The following WDR70 variants were observed in gnomAD, a reference collection of about 807,000 sequenced individuals.
The protein encoded by WDR70 is WD repeat-containing protein 70.
Under a neutral mutation model 88.6 loss-of-function variants are expected in WDR70, and 53 were observed. The ratio of observed to expected loss-of-function variants is 0.60; its 90% CI spans 0.48 to 0.75. The LOEUF (loss-of-function observed/expected upper bound fraction) is 0.75. WDR70 is among the 30% of genes least tolerant of loss of function. The pLI is 0.00. For synonymous variants in WDR70, 280 were observed against 270.0 expected (o/e 1.04, Z -0.36); for missense variants, 610 against 823.2 (o/e 0.74, Z 3.17).
At chr5:37,668,848 A>G (rs1561059932) in intron 10 of WDR70, among the ~76,000 whole-genome samples, 1 of 152,242 alleles carries the variant, frequency 6.6e-6, no homozygotes, top group Non-Finnish European at 1.5e-5. Flanking sequence ...CTCTTTGCCA[A>G]ACACAGATAA....
At chr5:37,477,127 C>A (rs1229318530) in intron 7 of WDR70, among the ~76,000 whole-genome samples, 1 of 152,142 alleles carries the variant, frequency 6.6e-6, no homozygotes, top group African/African-American at 2.4e-5. Context: ...ATAACTTATT[C>A]ATTCATTTAC....
chr5:37,737,807 CTCTT>C (rs1243565730), intron 17 of WDR70, among the ~76,000 whole-genome samples: 2 of 152,036 alleles, frequency 1.3e-5, no homozygotes, highest in Non-Finnish European at 2.9e-5. Flanking sequence ...CTTTTCCTGT[CTCTT>C]TCTTTGTTTC....
At chr5:37,439,583 T>C (rs559567122) in intron 6 of WDR70, among the ~76,000 whole-genome samples, 13 of 151,646 alleles carry the variant, frequency 8.6e-5, no homozygotes, top group African/African-American at 2.9e-4. Context: ...TTTTACACAT[T>C]GAAAATCAAT....
At chr5:37,466,813 A>G (rs1739165422) in intron 7 of WDR70, among the ~76,000 whole-genome samples, 1 of 152,052 alleles carries the variant, frequency 6.6e-6, no homozygotes, top group African/African-American at 2.4e-5. Flanking sequence ...CATAATGGAT[A>G]GCACAGATAT....
intron 7 of WDR70, among the ~76,000 whole-genome samples, chr5:37,465,024 T>G (rs10941336): frequency 0.42 from 63,338 of 152,082 alleles, 15,339 homozygotes; most frequent in Non-Finnish European, 0.54. Context: ...AACTGGCACA[T>G]TTGGTCAAAC....
At chr5:37,546,124 C>T (rs886281604) in intron 9 of WDR70, among the ~76,000 whole-genome samples, 3 of 151,984 alleles carry the variant, frequency 2.0e-5, no homozygotes, top group Admixed American at 1.3e-4. Context: ...ATTTTATGTA[C>T]GTGTTTGCTC....
chr5:37,690,648 C>T (rs568706590), intron 10 of WDR70, among the ~76,000 whole-genome samples: 4 of 152,300 alleles, frequency 2.6e-5, no homozygotes, highest in African/African-American at 9.6e-5. Context: ...CCTTTACAGA[C>T]AAGCAAATGC....
At chr5:37,597,613 A>G (rs1743742245) in intron 9 of WDR70, among the ~76,000 whole-genome samples, 1 of 152,154 alleles carries the variant, frequency 6.6e-6, no homozygotes, top group Non-Finnish European at 1.5e-5. Flanking sequence ...TGGGTTTTTA[A>G]AAAGAGTCCG....
chr5:37,493,022 AG>A (rs1386156106), intron 8 of WDR70, among the ~76,000 whole-genome samples: 1 of 152,254 alleles, frequency 6.6e-6, no homozygotes, highest in East Asian at 1.9e-4. Context: ...GAAACTTAAG[AG>A]TATTGCTCCT....
At chr5:37,737,489 T>A (rs966593918) in intron 17 of WDR70, among the ~76,000 whole-genome samples, 9 of 152,188 alleles carry the variant, frequency 5.9e-5, no homozygotes, top group Admixed American at 3.3e-4. Flanking sequence ...AACACTGGAC[T>A]AAGAATCAGA....
chr5:37,587,638 G>A (rs1009315562), intron 9 of WDR70, among the ~76,000 whole-genome samples: 2 of 152,050 alleles, frequency 1.3e-5, no homozygotes, highest in Admixed American at 6.6e-5. Context: ...AGACACTTTT[G>A]TATCTCCATG....
intron 10 of WDR70, among the ~76,000 whole-genome samples, chr5:37,677,701 A>T (rs1162849286): frequency 6.7e-6 from 1 of 148,850 alleles, no homozygotes; most frequent in Non-Finnish European, 1.5e-5. Context: ...CTGAAAAAAA[A>T]TGTGTATTCT....
intron 4 of WDR70, 138 bp downstream of exon 4, chr5:37,392,258 A>T: frequency 1.0e-6 from 1 of 985,664 alleles, no homozygotes. Flanking sequence ...ATCTTGGCTG[A>T]CTGTAACCTC....
chr5:37,532,685 C>T (rs1366262967), intron 9 of WDR70, among the ~76,000 whole-genome samples: 1 of 151,956 alleles, frequency 6.6e-6, no homozygotes, highest in East Asian at 1.9e-4. Flanking sequence ...TTTTTGATTT[C>T]TTTAAGTTGA....
chr5:37,729,380 G>T (rs1345665518), intron 17 of WDR70, among the ~76,000 whole-genome samples: 2 of 152,318 alleles, frequency 1.3e-5, no homozygotes, highest in East Asian at 3.9e-4. Flanking sequence ...ACACACATCT[G>T]TGTTTCTGAA....
chr5:37,575,141 A>G (rs1743015479), intron 9 of WDR70, among the ~76,000 whole-genome samples: 1 of 152,184 alleles, frequency 6.6e-6, no homozygotes, highest in African/African-American at 2.4e-5. Flanking sequence ...AATATTTGTC[A>G]TATGTATAAA....
intron 5 of WDR70, among the ~76,000 whole-genome samples, chr5:37,413,720 CAA>C (rs746817084): frequency 2.4e-4 from 26 of 107,988 alleles, no homozygotes; most frequent in African/African-American, 5.1e-4. Context: ...GACTCTGTCT[CAA>C]AAAAAAAAAA....
chr5:37,490,415 A>G (rs1200008339), intron 8 of WDR70, among the ~76,000 whole-genome samples: 3 of 152,042 alleles, frequency 2.0e-5, no homozygotes, highest in Non-Finnish European at 4.4e-5. Flanking sequence ...GATTGATGCC[A>G]GTGGTAGCCA....
intron 8 of WDR70, chr5:37,506,538 A>G (rs1561879513): frequency 6.5e-6 from 5 of 771,308 alleles, no homozygotes; most frequent in East Asian, 2.4e-5. Context: ...TTTATTCGCT[A>G]AAGTGCTCCG....
Sources: gnomAD v4.1 joint callset for allele counts (sites outside exome capture counted in the v4.1 genomes callset) on GRCh38, gnomAD v4.1.1 for gene constraint, MANE v1.5 for transcripts, NCBI Gene and HGNC (gene_info 2026-07-23, HGNC 2026-07-21) for gene names.